KCNT2: variants seen among roughly 807,000 people sequenced by gnomAD.
KCNT2 encodes the protein potassium sodium-activated channel subfamily T member 2.
A neutral mutation model predicts 153.8 loss-of-function variants in KCNT2; 67 were observed. The ratio of observed to expected loss-of-function variants is 0.44; its 90% CI spans 0.36 to 0.53. The LOEUF is 0.53. KCNT2 is among the 20% of genes least tolerant of loss of function. The probability of loss-of-function intolerance (pLI) is 0.00; values close to 1 mark genes in which losing one functional copy is unlikely to be tolerated. For synonymous variants in KCNT2, 500 were observed against 458.8 expected (o/e 1.09, Z -1.15); for missense variants, 975 against 1,354.8 (o/e 0.72, Z 4.40).
chr1:196,499,238 C>A (rs899255983), intron 1 of KCNT2, among the ~76,000 whole-genome samples: 1 of 152,196 alleles, frequency 6.6e-6, no homozygotes, highest in African/African-American at 2.4e-5. Flanking sequence ...AAATTTCTGG[C>A]CTCCATTACT....
At chr1:196,406,725 A>G (rs1158408699) in intron 12 of KCNT2, among the ~76,000 whole-genome samples, 1 of 151,482 alleles carries the variant, frequency 6.6e-6, no homozygotes, top group Non-Finnish European at 1.5e-5. Context: ...TATATCTGGG[A>G]CTGAAACATT....
intron 8 of KCNT2, among the ~76,000 whole-genome samples, chr1:196,464,293 G>A (rs903649722): frequency 2.6e-5 from 4 of 151,734 alleles, no homozygotes; most frequent in Non-Finnish European, 5.9e-5. Context: ...TGGCTATATC[G>A]ATCTTAGAGG....
chr1:196,466,178 CTTGT>C (rs1677599330), intron 7 of KCNT2, among the ~76,000 whole-genome samples: 1 of 152,010 alleles, frequency 6.6e-6, no homozygotes, highest in Admixed American at 6.6e-5. Context: ...TGTATCCTGT[CTTGT>C]TTGAGTTATT....
chr1:196,460,549 C>G (rs938814368), intron 8 of KCNT2, among the ~76,000 whole-genome samples: 3 of 151,420 alleles, frequency 2.0e-5, no homozygotes, highest in Non-Finnish European at 3.0e-5. Context: ...TGAGTCTTTG[C>G]GCTCATGAAT....
At chr1:196,312,380 C>A (rs1207925949) in intron 21 of KCNT2, among the ~76,000 whole-genome samples, 2 of 151,404 alleles carry the variant, frequency 1.3e-5, no homozygotes, top group Non-Finnish European at 3.0e-5. Context: ...CTAAGAGTGT[C>A]CCCTCCGCGA....
intron 7 of KCNT2, among the ~76,000 whole-genome samples, chr1:196,466,635 T>C (rs146026519): frequency 4.7e-4 from 71 of 152,222 alleles, no homozygotes; most frequent in African/African-American, 1.7e-3. Context: ...TGTATCTGTG[T>C]ACATTTTGTA....
Position 196,423,099 on chromosome 1 carries a change from T to C in KCNT2, c.1136A>G (p.Glu379Gly). The C allele has an allele frequency of 1.2e-6, 2 of 1,601,554 alleles. No homozygotes were observed. The highest frequency in any genetic ancestry group is 2.2e-5 in the South Asian group (2 of 89,648). ...DLLRAKMDDAEACFILSSRCE... is the reference protein window; with the variant it reads ...DLLRAKMDDAGACFILSSRCE... ...ACGGCTACTGAGAATAAAACAGGCC[T>C]CAGCGTCATCCATCCTAAATACAGA... Residue 379 changes from glutamate (E) to glycine (G), a missense_variant, in exon 12 of 28, where the codon GAG becomes GGG. Transcript: ENST00000294725.
intron 1 of KCNT2, among the ~76,000 whole-genome samples, chr1:196,534,333 G>C (rs1053304687): frequency 2.6e-5 from 4 of 152,082 alleles, no homozygotes; most frequent in Admixed American, 6.6e-5. Context: ...AATTGTTTCT[G>C]CATTGAAACT....
chr1:196,295,724 C>A (rs1454022522), intron 22 of KCNT2, among the ~76,000 whole-genome samples: 1 of 152,018 alleles, frequency 6.6e-6, no homozygotes, highest in African/African-American at 2.4e-5. Flanking sequence ...TACAAACCAT[C>A]ATTCAAGATA....
chr1:196,324,738 A>G (rs1387707161), intron 19 of KCNT2, among the ~76,000 whole-genome samples: 5 of 152,066 alleles, frequency 3.3e-5, no homozygotes, highest in Non-Finnish European at 4.4e-5. Flanking sequence ...ATCTATATTT[A>G]TAGAGAAATA....
intron 17 of KCNT2, among the ~76,000 whole-genome samples, chr1:196,332,416 G>A (rs1664553231): frequency 6.6e-6 from 1 of 151,974 alleles, no homozygotes; most frequent in South Asian, 2.1e-4. Context: ...TGAGGACTTT[G>A]ACCATTAATG....
intron 8 of KCNT2, among the ~76,000 whole-genome samples, chr1:196,447,670 A>C (rs905755066): frequency 6.6e-6 from 1 of 151,652 alleles, no homozygotes; most frequent in Non-Finnish European, 1.5e-5. Flanking sequence ...CTCAGTGTGA[A>C]GAAAGGGGAG....
intron 1 of KCNT2, among the ~76,000 whole-genome samples, chr1:196,548,806 C>A (rs1657482578): frequency 6.6e-6 from 1 of 152,080 alleles, no homozygotes; most frequent in South Asian, 2.1e-4. Context: ...ACATATACAC[C>A]ATGGAATACT....
chr1:196,472,819 A>T (rs568567480), intron 5 of KCNT2, among the ~76,000 whole-genome samples: 2 of 152,152 alleles, frequency 1.3e-5, no homozygotes, highest in South Asian at 4.1e-4. Flanking sequence ...CTCATTTCTC[A>T]CTTTTTGACT....
At chr1:196,478,307 T>A (rs1206737072) in intron 5 of KCNT2, among the ~76,000 whole-genome samples, 2 of 152,176 alleles carry the variant, frequency 1.3e-5, no homozygotes, top group African/African-American at 2.4e-5. Flanking sequence ...ATAATGTCTA[T>A]TTGACCTGAG....
intron 5 of KCNT2, among the ~76,000 whole-genome samples, chr1:196,470,433 A>T (rs1038232096): frequency 6.6e-6 from 1 of 152,192 alleles, no homozygotes; most frequent in Non-Finnish European, 1.5e-5. Flanking sequence ...GTCATTTAAA[A>T]ATGGTTTACA....
chr1:196,340,653 C>T, intron 15 of KCNT2, 83 bp from the exon 16 acceptor site: 5 of 764,722 alleles, frequency 6.5e-6, no homozygotes, highest in Non-Finnish European at 1.0e-5. Context: ...TAAATAATAG[C>T]ATTTTAAAGC....
At chr1:196,435,135 GTATGTA>G (rs1190987158) in intron 8 of KCNT2, among the ~76,000 whole-genome samples, 30 of 76,868 alleles carry the variant, frequency 3.9e-4, no homozygotes, top group African/African-American at 1.4e-3. Flanking sequence ...GTGTGTGTGT[GTATGTA>G]TATATATATA....
intron 14 of KCNT2, among the ~76,000 whole-genome samples, chr1:196,357,382 T>G (rs1374715270): frequency 2.0e-4 from 30 of 152,004 alleles, no homozygotes; most frequent in Admixed American, 2.0e-3. Context: ...TGCTTTATCA[T>G]AAACTCTTTA....
Sources: allele counts gnomAD v4.1 joint callset (sites outside exome capture counted in the v4.1 genomes callset), GRCh38; gene constraint gnomAD v4.1.1; transcripts MANE v1.5; gene names NCBI Gene and HGNC (gene_info 2026-07-23, HGNC 2026-07-21).